The following DPH1 variants were observed in gnomAD, a reference collection of about 807,000 sequenced individuals.
The protein encoded by DPH1 is 2-(3-amino-3-carboxypropyl)histidine synthase subunit 1.
In DPH1, 59 loss-of-function variants were observed where a neutral mutation model predicts 55.3. That is an observed-to-expected ratio of 1.07 (90% CI 0.87 to 1.33). DPH1 has a LOEUF of 1.33. Ranked by LOEUF, DPH1 falls within the 40% of genes most tolerant of loss-of-function variation. The pLI is 0.00. For synonymous variants in DPH1, 238 were observed against 235.5 expected (o/e 1.01, Z -0.10); for missense variants, 628 against 584.8 (o/e 1.07, Z -0.76).
intron 1 of DPH1, among the ~76,000 whole-genome samples, chr17:2,032,220 G>C (rs534263138): frequency 9.2e-5 from 14 of 152,162 alleles, no homozygotes; most frequent in South Asian, 6.2e-4. Flanking sequence ...GGTGGGAGAG[G>C]GGGGACATTC....
At chr17:2,037,237 G>A in intron 6 of DPH1, 3 of 310,202 alleles carry the variant, frequency 9.7e-6, no homozygotes, top group South Asian at 8.0e-5. Context: ...GAATATAATT[G>A]GAGAAGATGG....
At chr17:2,041,076 A>G (rs1398902968) in intron 9 of DPH1, 27 bp from the exon 10 acceptor site, 3 of 1,582,144 alleles carry the variant, frequency 1.9e-6, no homozygotes, top group Admixed American at 1.8e-5. Flanking sequence ...GGCCCTTCCT[A>G]GGGTCTGACC....
intron 1 of DPH1, among the ~76,000 whole-genome samples, chr17:2,031,189 G>A (rs1289722623): frequency 6.6e-6 from 1 of 152,200 alleles, no homozygotes; most frequent in Non-Finnish European, 1.5e-5. Flanking sequence ...GGGAGGCTAA[G>A]GAGGATTGTG....
chr17:2,034,125 G>T (rs1054872100), intron 3 of DPH1, among the ~76,000 whole-genome samples: 1 of 152,026 alleles, frequency 6.6e-6, no homozygotes, highest in African/African-American at 2.4e-5. Context: ...CAGAGCAGGT[G>T]GTAGGACCTG....
intron 12 of DPH1, 122 bp from the exon 13 acceptor site, chr17:2,042,481 CCA>C (rs2067558597): frequency 1.4e-6 from 2 of 1,397,082 alleles, no homozygotes; most frequent in Non-Finnish European, 1.9e-6. Context: ...CTCATTTCCC[CCA>C]GACTTTTGCC....
intron 1 of DPH1, among the ~76,000 whole-genome samples, chr17:2,030,563 CAG>C (rs2067317453): frequency 6.6e-6 from 1 of 152,162 alleles, no homozygotes; most frequent in Non-Finnish European, 1.5e-5. Flanking sequence ...AGTGCGCCCT[CAG>C]GGAATGCTTT....
chr17:2,038,553 G>A (rs543822757), intron 6 of DPH1, among the ~76,000 whole-genome samples: 47 of 152,278 alleles, frequency 3.1e-4, no homozygotes, highest in Middle Eastern at 3.4e-3. Context: ...ATCCGCCGCG[G>A]CATTAGATTC....
Position 2,036,863 on chromosome 17 carries a change from A to G in DPH1, c.587A>G (p.Tyr196Cys). The change falls in exon 6 of 13, where the codon TAT becomes TGT. Residue 196 changes from tyrosine to cysteine, a missense_variant. Physicochemically the swap from Tyr to Cys is radical, Grantham distance 194. Coordinates refer to ENST00000263083, the MANE Select transcript of DPH1 (RefSeq NM_001383.6). This position sits in a 1 kb window ranked among gnomAD's most constrained non-coding sequence, Gnocchi z 4.8. The stretch of plus-strand genomic sequence containing the variant: ...GCCGCCCAGGAGCTGAAAGCCGAGT[A>G]TCGTGTGAGTGTCCCACAGTGCAAG... ...QAAAQELKAEYRVSVPQCKPL... is the reference protein window; with the variant it reads ...QAAAQELKAECRVSVPQCKPL... 1.2e-6 allele frequency: 2 copies of G among 1,613,676 alleles called. No individual in the cohort carries two copies. Among genetic ancestry groups the G allele is most frequent in the Non-Finnish European group, 1.7e-6 (2 of 1,179,968 alleles).
intron 3 of DPH1, 21 bp downstream of exon 3, chr17:2,033,863 G>C (rs752102240): frequency 6.2e-7 from 1 of 1,613,628 alleles, no homozygotes; most frequent in Non-Finnish European, 8.5e-7. Context: ...GGGCACTGGA[G>C]AGGAGGGTGA....
At chr17:2,042,325 C>A in intron 12 of DPH1, 1 of 1,383,060 alleles carries the variant, frequency 7.2e-7, no homozygotes, top group Non-Finnish European at 9.4e-7. Flanking sequence ...CTGCGTCCAC[C>A]CGCATTCCTC....
In DPH1 at chr17:2,041,900, C is replaced by T. The variant is rs938289516; in HGVS notation, c.*18+25C>T. On this transcript the variant is annotated intron_variant, in intron 12 of 12. Coordinates refer to ENST00000263083, the MANE Select transcript of DPH1 (RefSeq NM_001383.6). ...GGTATCAGCCCCCGCTCTGGGTGCG[C>T]CCCGCCTTTTGCCGTTGTCATGGGA... The T allele has an allele frequency of 3.9e-6, 6 of 1,549,382 alleles. No homozygotes were observed. In the African/African-American group the frequency reaches 4.1e-5, roughly 11 times the overall value.
In DPH1 at chr17:2,041,832, A is replaced by G. The variant is rs1446762577; in HGVS notation, c.1292A>G (p.Glu431Gly). ...TGCGAGGACTGCAGCTGCAGGGACG[A>G]GAAGGTGGCGCCGCTGGCTCCTTGA... ...VACEDCSCRD[E>G]KVAPLAP Residue 431 changes from glutamate (E) to glycine (G), a missense_variant, in exon 12 of 13, where the codon GAG becomes GGG. Physicochemically the swap from Glu to Gly is moderately conservative, Grantham distance 98. Transcript: ENST00000263083. 11 of 1,603,720 alleles carry G rather than the reference A, an allele frequency of 6.9e-6. No homozygotes were observed. Among genetic ancestry groups the G allele is most frequent in the Non-Finnish European group, 9.3e-6 (11 of 1,176,558 alleles).
At chr17:2,032,683 G>A (rs2067346579) in intron 1 of DPH1, among the ~76,000 whole-genome samples, 1 of 152,178 alleles carries the variant, frequency 6.6e-6, no homozygotes, top group Non-Finnish European at 1.5e-5. Context: ...CAGGGAGACT[G>A]GGCAGCTAAA....
intron 3 of DPH1, among the ~76,000 whole-genome samples, chr17:2,035,212 G>T (rs2067394924): frequency 6.6e-6 from 1 of 152,000 alleles, no homozygotes; most frequent in Non-Finnish European, 1.5e-5. Flanking sequence ...CATTCCTAGG[G>T]TGAGTTCAGG....
chr17:2,037,089 G>A, intron 6 of DPH1, 133 bp downstream of exon 6: 2 of 1,332,918 alleles, frequency 1.5e-6, no homozygotes, highest in Non-Finnish European at 1.0e-6. Flanking sequence ...ACACTGCAAG[G>A]TAGGGACCAA....
chr17:2,038,393 A>T, intron 6 of DPH1, among the ~76,000 whole-genome samples: 1 of 152,146 alleles, frequency 6.6e-6, no homozygotes, highest in East Asian at 1.9e-4. Flanking sequence ...TTGGGCAGAA[A>T]GTAGCCATTG....
At chr17:2,034,415 G>A (rs954264422) in intron 3 of DPH1, among the ~76,000 whole-genome samples, 6 of 151,408 alleles carry the variant, frequency 4.0e-5, no homozygotes, top group Non-Finnish European at 7.4e-5. Context: ...GGAGGGGAAC[G>A]AAGAAAGGGG....
Position 2,036,637 on chromosome 17 carries a change from C to T in DPH1, c.509C>T (p.Ala170Val), listed in dbSNP as rs766270807. The change falls in exon 5 of 13, where the codon GCC becomes GTC. Residue 170 changes from alanine to valine, a missense_variant. Ala to Val is a moderately conservative substitution (Grantham distance 64). Coordinates refer to ENST00000263083, the MANE Select transcript of DPH1 (RefSeq NM_001383.6). The surrounding 1 kb of genome is among the most constrained non-coding windows in gnomAD (Gnocchi z 4.8). ...LDSLRLTFPP[A>V]TALALVSTIQ... is the part of the protein sequence containing the mutation. ...TCTCTCCGCCTCACCTTTCCCCCAG[C>T]CACTGCCCTTGCCCTGGTCAGCACC... The T allele has an allele frequency of 6.2e-7, 1 of 1,614,166 alleles. No homozygotes were observed. Among genetic ancestry groups the T allele is most frequent in the Admixed American group, 1.7e-5 (1 of 60,024 alleles).
Position 2,036,865 on chromosome 17 carries a change from C to T in DPH1, c.589C>T (p.Arg197Cys), listed in dbSNP as rs200118205. ...AAAQELKAEY[R>C]VSVPQCKPLS... Reference sequence around the variant, plus strand: ...CGCCCAGGAGCTGAAAGCCGAGTATCGTGTGAGTGTCCCACAGTGCAAGCC... The same window carrying T: ...CGCCCAGGAGCTGAAAGCCGAGTATTGTGTGAGTGTCCCACAGTGCAAGCC... Residue 197 changes from arginine (R) to cysteine (C), a missense_variant, in exon 6 of 13, where the codon CGT (arginine) becomes TGT (cysteine). Arg to Cys is a radical substitution (Grantham distance 180). Coordinates refer to ENST00000263083, the MANE Select transcript of DPH1 (RefSeq NM_001383.6). This position sits in a 1 kb window ranked among gnomAD's most constrained non-coding sequence, Gnocchi z 4.8. 77 of 1,613,572 alleles carry T rather than the reference C, an allele frequency of 4.8e-5. 1 individual carries two copies. Among genetic ancestry groups the T allele is most frequent in the African/African-American group, 6.7e-5 (5 of 74,922 alleles).
Sources: allele counts gnomAD v4.1 joint callset (sites outside exome capture counted in the v4.1 genomes callset), GRCh38; gene constraint gnomAD v4.1.1; non-coding constraint Gnocchi (gnomAD v3.1); transcripts MANE v1.5; gene names NCBI Gene and HGNC (gene_info 2026-07-23, HGNC 2026-07-21).